SPATS2L: variants seen among roughly 807,000 people sequenced by gnomAD.
SPATS2L encodes the protein spermatogenesis associated serine rich 2 like.
A neutral mutation model predicts 59.6 loss-of-function variants in SPATS2L; 30 were observed. The observed-to-expected ratio is 0.50, with a 90% CI of 0.38 to 0.68. SPATS2L has a LOEUF of 0.68. Ranked by LOEUF, SPATS2L falls within the 30% of genes least tolerant of loss-of-function variation. The pLI, the probability that SPATS2L is intolerant of heterozygous loss-of-function variation, is 0.00. For missense variants in SPATS2L, 615 were observed against 700.0 expected (o/e 0.88, Z 1.37); for synonymous variants, 252 against 263.5 (o/e 0.96, Z 0.42).
intron 2 of SPATS2L, among the ~76,000 whole-genome samples, chr2:200,331,015 G>C (rs1023881465): frequency 2.0e-5 from 3 of 152,140 alleles, no homozygotes; most frequent in Admixed American, 1.3e-4. Context: ...CAGCTCAAAG[G>C]CTTTACTTTT....
chr2:200,329,890 T>C (rs914126999), intron 2 of SPATS2L, among the ~76,000 whole-genome samples: 1 of 152,172 alleles, frequency 6.6e-6, no homozygotes, highest in African/African-American at 2.4e-5. Flanking sequence ...CTCCTCACAG[T>C]GATAGCCACT....
intron 2 of SPATS2L, among the ~76,000 whole-genome samples, chr2:200,357,464 A>G (rs905862214): frequency 1.3e-5 from 2 of 152,248 alleles, no homozygotes; most frequent in Non-Finnish European, 2.9e-5. Context: ...GGAGACAGGT[A>G]GGTGGTTACA....
At chr2:200,399,821 AT>A (rs1428848014) in intron 3 of SPATS2L, among the ~76,000 whole-genome samples, 1 of 152,226 alleles carries the variant, frequency 6.6e-6, no homozygotes, top group African/African-American at 2.4e-5. Flanking sequence ...GGTTAATATA[AT>A]TTAGAGATTA....
intron 2 of SPATS2L, among the ~76,000 whole-genome samples, chr2:200,349,464 C>T (rs1276020943): frequency 6.6e-6 from 1 of 152,176 alleles, no homozygotes; most frequent in Non-Finnish European, 1.5e-5. Flanking sequence ...GGTGAAACCT[C>T]GTCTCTACTA....
chr2:200,339,365 A>G (rs2080247064), intron 2 of SPATS2L, among the ~76,000 whole-genome samples: 1 of 152,102 alleles, frequency 6.6e-6, no homozygotes, highest in Admixed American at 6.5e-5. Flanking sequence ...AAAGACCCTT[A>G]AGGGATATCC....
intron 2 of SPATS2L, among the ~76,000 whole-genome samples, chr2:200,377,430 T>C (rs979717352): frequency 2.6e-5 from 4 of 152,162 alleles, no homozygotes; most frequent in Non-Finnish European, 5.9e-5. Context: ...CAACTGCTTG[T>C]GTGTGGTCAG....
intron 3 of SPATS2L, among the ~76,000 whole-genome samples, chr2:200,401,828 C>G (rs1188454889): frequency 2.0e-5 from 3 of 152,170 alleles, no homozygotes; most frequent in Non-Finnish European, 4.4e-5. Flanking sequence ...CAGTTTGATG[C>G]TGATGGTGCC....
intron 2 of SPATS2L, among the ~76,000 whole-genome samples, chr2:200,361,123 A>G (rs2081092741): frequency 7.1e-6 from 1 of 140,422 alleles, no homozygotes; most frequent in African/African-American, 2.6e-5. Flanking sequence ...ACACACCTAC[A>G]TACACATACA....
chr2:200,374,116 C>A (rs2081521199), intron 2 of SPATS2L, among the ~76,000 whole-genome samples: 1 of 152,222 alleles, frequency 6.6e-6, no homozygotes. Context: ...TATCTCCCTG[C>A]AGGAGCCAAT....
chr2:200,323,214 C>T (rs998318331), intron 1 of SPATS2L, among the ~76,000 whole-genome samples: 1 of 152,138 alleles, frequency 6.6e-6, no homozygotes, highest in Non-Finnish European at 1.5e-5. Context: ...TAGCTGTCTA[C>T]CCCTGGGCAA....
chr2:200,400,554 A>T (rs1003469181), intron 3 of SPATS2L, among the ~76,000 whole-genome samples: 2 of 152,234 alleles, frequency 1.3e-5, no homozygotes, highest in African/African-American at 4.8e-5. Flanking sequence ...AAATTCTGAT[A>T]TAAAAAGTTG....
At position 200,350,055 on chromosome 2, in the gene SPATS2L, A is replaced by G. The variant is rs565738071; in HGVS notation, c.-23+20575A>G. ...AACCTGGACCCTCAGCCTGCCCTCC[A>G]TAATGCCTGGGGTCTCAGCCTCTTG... On this transcript the variant is annotated intron_variant, in intron 2 of 12. Transcript: ENST00000409140. 7.2e-5 allele frequency among the ~76,000 whole-genome samples: 11 copies of G among 152,272 alleles called. No homozygotes were observed. The South Asian group carries it at 1.2e-3, about 17-fold the overall frequency.
rs544219254 is a variant in SPATS2L at position 200,378,982 on chromosome 2, C to T, written c.-22-10241C>T. 3.9e-5 allele frequency among the ~76,000 whole-genome samples: 6 copies of T among 152,328 alleles called. 1 individual carries two copies. The East Asian group carries it at 7.7e-4, about 20-fold the overall frequency. On this transcript the variant is annotated intron_variant, in intron 2 of 12. Transcript: ENST00000409140. ...CAAGCGTGCCTCTAATACCTTTGCG[C>T]CTGACTCTCTGGGATGGGACTTTTG...
chr2:200,349,582 G>C (rs2080647979), intron 2 of SPATS2L, among the ~76,000 whole-genome samples: 1 of 152,196 alleles, frequency 6.6e-6, no homozygotes, highest in Non-Finnish European at 1.5e-5. Flanking sequence ...AGGTGGTAGT[G>C]AGCTGAGATG....
chr2:200,412,407 G>A lies in SPATS2L; in HGVS notation c.136G>A (p.Ala46Thr). ...TTTTAATGTGGATAAAGCCGTGCAA[G>A]CCTTTGTGGATGGTAGGTATACCTG... ...FDFNVDKAVQAFVDGSAIQVL... is the reference protein window; with the variant it reads ...FDFNVDKAVQTFVDGSAIQVL... Residue 46 changes from alanine to threonine, a missense_variant, in exon 4 of 13, where the codon GCC becomes ACC. Around this residue, in one of 3 missense-constraint regions of SPATS2L, gnomAD observed 227 missense variants for 257.4 expected, o/e 0.88. Transcript: ENST00000409140. 1 of 1,594,706 alleles carries A rather than the reference G, an allele frequency of 6.3e-7. No homozygotes were observed. The highest frequency in any genetic ancestry group is 8.6e-7 in the Non-Finnish European group (1 of 1,168,138).
intron 3 of SPATS2L, among the ~76,000 whole-genome samples, chr2:200,411,067 C>T (rs2082861267): frequency 6.7e-6 from 1 of 150,356 alleles, no homozygotes; most frequent in East Asian, 1.9e-4. Context: ...CAGTAAAACT[C>T]AAATATTTAG....
At chr2:200,402,444 A>G (rs1352960634) in intron 3 of SPATS2L, among the ~76,000 whole-genome samples, 1 of 152,044 alleles carries the variant, frequency 6.6e-6, no homozygotes, top group African/African-American at 2.4e-5. Context: ...CTATCTCTTC[A>G]TAGACGTTGT....
At chr2:200,436,802 ATGTT>A (rs1451691844) in intron 6 of SPATS2L, among the ~76,000 whole-genome samples, 1 of 152,118 alleles carries the variant, frequency 6.6e-6, no homozygotes, top group Non-Finnish European at 1.5e-5. Context: ...TATGGTTTGA[ATGTT>A]TGTCCCCTCC....
intron 2 of SPATS2L, among the ~76,000 whole-genome samples, chr2:200,379,690 G>C (rs76678206): frequency 2.0e-5 from 3 of 151,512 alleles, no homozygotes; most frequent in Admixed American, 6.6e-5. Flanking sequence ...AGCGGGTGGT[G>C]GGGGGGATGG....
Sources: allele counts gnomAD v4.1 joint callset (sites outside exome capture counted in the v4.1 genomes callset), GRCh38; gene constraint gnomAD v4.1.1; regional missense constraint gnomAD v4.1.1; transcripts MANE v1.5; gene names NCBI Gene and HGNC (gene_info 2026-07-23, HGNC 2026-07-21).